Variants in JAK1 observed in about 807,000 individuals in gnomAD.
JAK1 encodes the protein tyrosine-protein kinase JAK1.
Under a neutral mutation model 136.6 loss-of-function variants are expected in JAK1, and 16 were observed. That is an observed-to-expected ratio of 0.12 (90% CI 0.08 to 0.18). JAK1 has a LOEUF of 0.18. Ranked by LOEUF, JAK1 falls within the 10% of genes least tolerant of loss-of-function variation. The probability of loss-of-function intolerance (pLI) is 1.00; values close to 1 mark genes in which losing one functional copy is unlikely to be tolerated. For synonymous variants in JAK1, 492 were observed against 519.5 expected, an observed-to-expected ratio of 0.95 and a Z score of 0.72; for missense variants, 859 against 1,450.1, an observed-to-expected ratio of 0.59 and a Z score of 6.62.
chr1:65,056,159 G>A (rs1211686056), intron 1 of JAK1, among the ~76,000 whole-genome samples: 2 of 152,164 alleles, frequency 1.3e-5, no homozygotes, highest in African/African-American at 4.8e-5. Flanking sequence ...TTCCTTTTAA[G>A]AAAACTCCAA....
At chr1:64,843,991 C>T (rs1021474356) in intron 17 of JAK1, 73 bp downstream of exon 17, 2 of 1,567,012 alleles carry the variant, frequency 1.3e-6, no homozygotes, top group Non-Finnish European at 1.7e-6. Context: ...GCCAGGCTTC[C>T]GACAACTCCT....
chr1:64,976,835 C>G (rs1646500989), intron 2 of JAK1, among the ~76,000 whole-genome samples: 1 of 152,116 alleles, frequency 6.6e-6, no homozygotes, highest in Non-Finnish European at 1.5e-5. Flanking sequence ...GGTTAACAAC[C>G]ACCTTTTCCA....
exon 1 of JAK1, chr1:65,067,687 C>G (rs1648137213): frequency 6.6e-6 from 1 of 150,440 alleles, no homozygotes; most frequent in Non-Finnish European, 1.5e-5. Flanking sequence ...CAGCAAGGCT[C>G]GCCACAACGT....
chr1:64,925,053 T>C (rs1237979413), intron 1 of JAK1, among the ~76,000 whole-genome samples: 1 of 151,994 alleles, frequency 6.6e-6, no homozygotes, highest in Non-Finnish European at 1.5e-5. Flanking sequence ...TGGTGGGAAA[T>C]GTTGGTTATG....
Position 64,867,157 on chromosome 1 carries a change from G to A in JAK1, c.699C>T (p.Asn233=), listed in dbSNP as rs746452560. The change falls in exon 7 of 25, where the codon AAC becomes AAT. Residue 233 remains asparagine (N), a synonymous_variant. Transcript: ENST00000342505. ...TATTTATCCGCATCCTGGTGAGAAGGTTCCTCTGTCTGATGGACTTATTCA... is the reference window on the plus strand; with the variant it reads ...TATTTATCCGCATCCTGGTGAGAAGATTCCTCTGTCTGATGGACTTATTCA... ...ETLNKSIRQR[N]LLTRMRINNV... is the part of the protein sequence containing the mutation. 1.2e-6 allele frequency: 2 copies of A among 1,610,962 alleles called. No homozygotes were observed. The highest frequency in any genetic ancestry group is 1.3e-5 in the African/African-American group (1 of 75,038).
intron 1 of JAK1, among the ~76,000 whole-genome samples, chr1:64,909,587 G>T (rs1383019596): frequency 1.3e-5 from 2 of 151,322 alleles, no homozygotes; most frequent in African/African-American, 4.9e-5. Context: ...TTGGAAGGAT[G>T]AGGCAAGAGG....
intron 15 of JAK1, 33 bp downstream of exon 15, chr1:64,845,480 G>T (rs780149215): frequency 4.3e-6 from 7 of 1,613,758 alleles, no homozygotes; most frequent in Non-Finnish European, 5.9e-6. Context: ...CTGGTTTCTG[G>T]TGGGACCATT....
chr1:64,856,936 C>T (rs1655976850), intron 10 of JAK1, among the ~76,000 whole-genome samples: 1 of 152,220 alleles, frequency 6.6e-6, no homozygotes, highest in Non-Finnish European at 1.5e-5. Context: ...CTAACCAGTA[C>T]TGATTAAAGT....
chr1:65,060,473 G>A (rs1044869178), intron 1 of JAK1, among the ~76,000 whole-genome samples: 1 of 152,152 alleles, frequency 6.6e-6, no homozygotes, highest in Non-Finnish European at 1.5e-5. Flanking sequence ...GTATAAAGAC[G>A]AAGGAAGTGT....
chr1:64,872,435 A>G (rs961159012), intron 5 of JAK1, among the ~76,000 whole-genome samples: 8 of 152,192 alleles, frequency 5.3e-5, no homozygotes, highest in Non-Finnish European at 1.2e-4. Flanking sequence ...GATTTAAATT[A>G]GGTCTTCCCA....
At chr1:64,858,272 T>A (rs1656068426) in intron 9 of JAK1, among the ~76,000 whole-genome samples, 1 of 152,174 alleles carries the variant, frequency 6.6e-6, no homozygotes, top group Non-Finnish European at 1.5e-5. Context: ...TGTCTTACAT[T>A]TCTTTGTATC....
chr1:64,920,404 G>A (rs1041087484), intron 1 of JAK1, among the ~76,000 whole-genome samples: 11 of 152,072 alleles, frequency 7.2e-5, no homozygotes, highest in Non-Finnish European at 2.9e-5. Flanking sequence ...GCTGGGTGTG[G>A]TGGCACATAC....
chr1:64,918,131 C>A lies in JAK1; in HGVS notation c.-77-31790G>T, dbSNP rs143726515. On this transcript the variant is annotated intron_variant, in intron 1 of 24. Transcript: ENST00000342505. ...AATACCAAAGTGGGGGTGACTGTTA[C>A]CTCTGAGGGAAGTGCAGTGGAGGGG... Among the ~76,000 whole-genome samples, 510 of 152,242 alleles carry A rather than the reference C, an allele frequency of 3.3e-3. 1 individual carries two copies. The highest frequency in any genetic ancestry group is 0.012 in the African/African-American group (495 of 41,512).
chr1:65,065,655 T>A (rs1178093920), intron 1 of JAK1, among the ~76,000 whole-genome samples: 1 of 150,904 alleles, frequency 6.6e-6, no homozygotes, highest in Non-Finnish European at 1.5e-5. Context: ...ATGGTTAGAC[T>A]TGGGCTGGGT....
chr1:64,973,457 C>T lies in JAK1; in HGVS notation c.-78+71023G>A, dbSNP rs1225369216. ...TTTTTTTAATCTATTATATTTTATA[C>T]AGCTAAATATTTTACACATTCAGTA... On this transcript the variant is annotated intron_variant, in intron 2 of 25. Transcript: ENST00000671954. 1.3e-5 allele frequency among the ~76,000 whole-genome samples: 2 copies of T among 151,632 alleles called. 1 individual carries two copies. Among genetic ancestry groups the T allele is most frequent in the South Asian group, 4.2e-4 (2 of 4,808 alleles).
intron 1 of JAK1, among the ~76,000 whole-genome samples, chr1:64,930,339 G>A (rs1370505522): frequency 1.3e-5 from 2 of 152,122 alleles, no homozygotes; most frequent in Non-Finnish European, 2.9e-5. Flanking sequence ...GCGGGCAAAG[G>A]AAATGAACAG....
chr1:65,001,083 C>T (rs1646751774), intron 2 of JAK1, among the ~76,000 whole-genome samples: 1 of 151,882 alleles, frequency 6.6e-6, no homozygotes, highest in Non-Finnish European at 1.5e-5. Context: ...CAAAATGGGG[C>T]GTTGGAAGGG....
intron 1 of JAK1, among the ~76,000 whole-genome samples, chr1:64,956,736 G>A (rs1161263362): frequency 6.6e-6 from 1 of 152,202 alleles, no homozygotes; most frequent in Non-Finnish European, 1.5e-5. Flanking sequence ...GAGGTAAGGA[G>A]CAGAGAGGAA....
At chr1:64,836,734 C>T (rs1425093169) in intron 22 of JAK1, among the ~76,000 whole-genome samples, 1 of 152,200 alleles carries the variant, frequency 6.6e-6, no homozygotes, top group East Asian at 1.9e-4. Context: ...GTCACTCTCC[C>T]AGTCCCTGTC....
Sources: allele counts gnomAD v4.1 joint callset (sites outside exome capture counted in the v4.1 genomes callset), GRCh38; gene constraint gnomAD v4.1.1; transcripts MANE v1.5; gene names NCBI Gene and HGNC (gene_info 2026-07-23, HGNC 2026-07-21).